Variants in CPNE6 observed in about 807,000 individuals in gnomAD.
CPNE6 encodes copine-6.
A neutral mutation model predicts 71.5 loss-of-function variants in CPNE6; 33 were observed. The ratio of observed to expected loss-of-function variants is 0.46; its 90% confidence interval spans 0.35 to 0.62. CPNE6 has a LOEUF of 0.62. Among genes scored for constraint, CPNE6 ranks in the 20% least tolerant of loss-of-function variants. The pLI is 0.00. For missense variants in CPNE6, 576 were observed against 747.3 expected (o/e 0.77, Z 2.67); for synonymous variants, 296 against 293.0 (o/e 1.01, Z -0.10).
At chr14:24,071,632 G>T in exon 2 of CPNE6, 1 of 1,068,282 alleles carries the variant, frequency 9.4e-7, no homozygotes, top group Non-Finnish European at 1.4e-6. Flanking sequence ...GCCCCCGACC[G>T]AGAGCCCAGG....
In CPNE6 at chr14:24,075,900, G is replaced by A. The variant is rs199665681; in HGVS notation, c.924+14G>A. On this transcript the variant is annotated intron_variant, in intron 11 of 17. Transcript: ENST00000397016. The surrounding 1 kb of genome is among the most constrained non-coding windows in gnomAD (Gnocchi z 4.3). Reference sequence around the variant, plus strand: ...ATCAGCTTCACGGTAAAGACTCAGAGGGAGGGCACACAGGCAAGAGGGAGG... The same window carrying A: ...ATCAGCTTCACGGTAAAGACTCAGAAGGAGGGCACACAGGCAAGAGGGAGG... 9.9e-6 allele frequency: 16 copies of A among 1,613,982 alleles called. No individual in the cohort carries two copies. In the Middle Eastern group the frequency reaches 4.9e-4, roughly 50 times the overall value.
chr14:24,070,991 T>C, exon 1 of CPNE6: 1 of 1,535,644 alleles, frequency 6.5e-7, no homozygotes, highest in Non-Finnish European at 8.7e-7. Flanking sequence ...TGATGGCTTT[T>C]AAGGAGCACG....
Position 24,075,738 on chromosome 14 carries a change from T to TC in CPNE6, c.865-84dup. On this transcript the variant is annotated intron_variant, in intron 10 of 17. Coordinates refer to ENST00000397016, the Ensembl canonical transcript of CPNE6. This position sits in a 1 kb window ranked among gnomAD's most constrained non-coding sequence, Gnocchi z 4.3. ...CAACTGCAACCCAAAAAACTCTGGC[T>TC]CCCCCATGTTCCCCACAGAAGCCCT... The TC allele has an allele frequency of 7.1e-7, 1 of 1,408,024 alleles. No homozygotes were observed. Among genetic ancestry groups the TC allele is most frequent in the South Asian group, 1.2e-5 (1 of 83,540 alleles). The allele number at this position is 1,408,024 out of a possible 1,614,324, so 87.2% of individuals were successfully genotyped here. A position where few individuals can be genotyped will look rare whatever the true frequency, so the allele number is the denominator to read the frequency against.
Position 24,074,644 on chromosome 14 carries a change from G to C in CPNE6, c.582+30G>C. On this transcript the variant is annotated intron_variant, in intron 7 of 17. Coordinates refer to ENST00000397016, the Ensembl canonical transcript of CPNE6. The surrounding 1 kb of genome is among the most constrained non-coding windows in gnomAD (Gnocchi z 4.5). ...GTGCCTGGGGCTATGGGGATGAAGG[G>C]AGGGAGAGTAAAGTAAGAAGACACA... 1.2e-6 allele frequency: 2 copies of C among 1,613,750 alleles called. No homozygotes were observed. The highest frequency in any genetic ancestry group is 1.3e-5 in the African/African-American group (1 of 75,026).
In CPNE6 at chr14:24,074,413, C is replaced by A. The variant is rs760730221; in HGVS notation, c.498+48C>A. On this transcript the variant is annotated intron_variant, in intron 6 of 17. Transcript: ENST00000397016. The surrounding 1 kb of genome is among the most constrained non-coding windows in gnomAD (Gnocchi z 4.5). ...CCCCAACTCCCCTGTCACTCCTAGGCCTCCCACTCAAGACAGATCCCAGGA... is the reference window on the plus strand; with the variant it reads ...CCCCAACTCCCCTGTCACTCCTAGGACTCCCACTCAAGACAGATCCCAGGA... The A allele has an allele frequency of 1.3e-6, 2 of 1,551,266 alleles. No individual in the cohort carries two copies. The highest frequency in any genetic ancestry group is 2.3e-5 in the East Asian group (1 of 44,422).
chr14:24,071,602 C>A, exon 2 of CPNE6: 3 of 1,326,044 alleles, frequency 2.3e-6, no homozygotes, highest in Non-Finnish European at 3.1e-6. Context: ...AGGGCCAGGG[C>A]CAGAGAGCCG....
Position 24,073,275 on chromosome 14 carries a change from C to T in CPNE6, c.168+171C>T, listed in dbSNP as rs952476199. Among the ~76,000 whole-genome samples, 2 of 152,160 alleles carry T rather than the reference C, an allele frequency of 1.3e-5. No homozygotes were observed. Among genetic ancestry groups the T allele is most frequent in the African/African-American group, 4.8e-5 (2 of 41,442 alleles). On this transcript the variant is annotated intron_variant, in intron 3 of 17. Transcript: ENST00000397016. The surrounding 1 kb of genome is among the most constrained non-coding windows in gnomAD (Gnocchi z 5.5). The stretch of plus-strand genomic sequence containing the variant: ...GTCCCAGAGGGTCCTGAGATTGACC[C>T]AGAGGCAGTGGGGTTGCTCCCAAAG...
Position 24,074,400 on chromosome 14 carries a change from T to G in CPNE6, c.498+35T>G. On this transcript the variant is annotated intron_variant, in intron 6 of 17. Coordinates refer to ENST00000397016, the Ensembl canonical transcript of CPNE6. The surrounding 1 kb of genome is among the most constrained non-coding windows in gnomAD (Gnocchi z 4.5). ...CCAGAGTCCAGGCCCCCAACTCCCC[T>G]GTCACTCCTAGGCCTCCCACTCAAG... 1 of 1,548,058 alleles carries G rather than the reference T, an allele frequency of 6.5e-7. No homozygotes were observed. Among genetic ancestry groups the G allele is most frequent in the Non-Finnish European group, 8.7e-7 (1 of 1,146,120 alleles).
At position 24,073,272 on chromosome 14, in the gene CPNE6, A is replaced by AC. The variant is rs1195215611; in HGVS notation, c.168+171dup. Among the ~76,000 whole-genome samples, 2 of 152,056 alleles carry AC rather than the reference A, an allele frequency of 1.3e-5. No individual in the cohort carries two copies. Among genetic ancestry groups the AC allele is most frequent in the African/African-American group, 4.8e-5 (2 of 41,410 alleles). On this transcript the variant is annotated intron_variant, in intron 3 of 17. Coordinates refer to ENST00000397016, the Ensembl canonical transcript of CPNE6. This position sits in a 1 kb window ranked among gnomAD's most constrained non-coding sequence, Gnocchi z 5.5. ...GGTGTCCCAGAGGGTCCTGAGATTG[A>AC]CCCAGAGGCAGTGGGGTTGCTCCCA...
rs1566553855 is a variant in CPNE6, at chr14:24,077,880, C to G, written c.*38-8C>G. The G allele has an allele frequency of 1.2e-5, 10 of 827,090 alleles. No homozygotes were observed. In the South Asian group the frequency reaches 1.8e-4, roughly 15 times the overall value. 51.2% of individuals were successfully genotyped at this position (827,090 alleles called of 1,614,324 possible). ...GAGAGTGCTTATGACTCTCCCACCC[C>G]CTCCCAGGTGCCTGTCCTGACCCTC... On this transcript the variant is annotated splice_polypyrimidine_tract_variant and splice_region_variant and intron_variant, in intron 17 of 17. Coordinates refer to ENST00000397016, the Ensembl canonical transcript of CPNE6. This position sits in a 1 kb window ranked among gnomAD's most constrained non-coding sequence, Gnocchi z 6.1.
chr14:24,072,613 G>A lies in CPNE6; in HGVS notation c.-4-320G>A, dbSNP rs191653873. On this transcript the variant is annotated intron_variant, in intron 2 of 17. Coordinates refer to ENST00000397016, the Ensembl canonical transcript of CPNE6. ...GGGAAATAGCAGAAGGTGCTGAGGC[G>A]GCAGAAAGTGTAGATCAATCGATGG... 125 of 253,770 alleles carry A rather than the reference G, an allele frequency of 4.9e-4. 1 individual carries two copies. Among genetic ancestry groups the A allele is most frequent in the East Asian group, 9.3e-4 (13 of 13,980 alleles). 15.7% of individuals were successfully genotyped at this position (253,770 alleles called of 1,614,324 possible). A position where few individuals can be genotyped will look rare whatever the true frequency, so the allele number is the denominator to read the frequency against.
Position 24,077,762 on chromosome 14 carries a change from C to A in CPNE6, c.*32C>A. 6.6e-7 allele frequency: 1 copy of A among 1,507,560 alleles called. No individual in the cohort carries two copies. Among genetic ancestry groups the A allele is most frequent in the Non-Finnish European group, 8.9e-7 (1 of 1,129,750 alleles). 93.4% of individuals were successfully genotyped at this position (1,507,560 alleles called of 1,614,324 possible). A position where few individuals can be genotyped will look rare whatever the true frequency, so the allele number is the denominator to read the frequency against. On this transcript the variant is annotated 3_prime_UTR_variant, in exon 17 of 18. Coordinates refer to ENST00000397016, the Ensembl canonical transcript of CPNE6. This position sits in a 1 kb window ranked among gnomAD's most constrained non-coding sequence, Gnocchi z 6.1. ...CCCTCCGGACCGACACTCCCTCAGC[C>A]TCTCAGTGAGTCCTGGGGCTTCCAA...
rs746454123 is a variant in CPNE6, at chr14:24,074,142, G to GTAC, written c.423+19_423+21dup. On this transcript the variant is annotated intron_variant, in intron 5 of 17. Transcript: ENST00000397016. This position sits in a 1 kb window ranked among gnomAD's most constrained non-coding sequence, Gnocchi z 4.5. ...ACCATCACGGTAGGCAAGATCACCT[G>GTAC]TACTCACCCTTGGTCCAGGTATTCA... is the stretch of plus-strand genomic sequence containing the variant. The GTAC allele has an allele frequency of 6.2e-7, 1 of 1,612,862 alleles. No individual in the cohort carries two copies. The highest frequency in any genetic ancestry group is 8.5e-7 in the Non-Finnish European group (1 of 1,179,014).
At chr14:24,076,309 C>A in intron 12 of CPNE6, 27 bp downstream of exon 11, 1 of 1,614,242 alleles carries the variant, frequency 6.2e-7, no homozygotes, top group Non-Finnish European at 8.5e-7. Context: ...CGGGAGGGAA[C>A]AGGCAGGGAG....
Position 24,073,989 on chromosome 14 carries a change from T to G in CPNE6, c.349-62T>G. On this transcript the variant is annotated intron_variant, in intron 4 of 17. Transcript: ENST00000397016. This position sits in a 1 kb window ranked among gnomAD's most constrained non-coding sequence, Gnocchi z 5.5. ...CTCAGAGCATTTATTATTCCATCCC[T>G]TGTACGTGGCCAAGGCAGATGGGGA... 7.0e-7 allele frequency: 1 copy of G among 1,422,220 alleles called. No individual in the cohort carries two copies. Among genetic ancestry groups the G allele is most frequent in the Non-Finnish European group, 9.9e-7 (1 of 1,005,114 alleles). 88.1% of individuals were successfully genotyped at this position (1,422,220 alleles called of 1,614,324 possible).
exon 18 of CPNE6, chr14:24,078,005 A>C (rs1594238616): frequency 5.8e-6 from 2 of 346,578 alleles, no homozygotes; most frequent in Non-Finnish European, 1.0e-5. Flanking sequence ...CAAACCCCAT[A>C]CCCTTCAATG....
At chr14:24,072,881 G>C in intron 2 of CPNE6, 52 bp from the exon 2 acceptor site, 1 of 1,434,704 alleles carries the variant, frequency 7.0e-7, no homozygotes. Flanking sequence ...AGACCCCTCT[G>C]CTGGCAGGTG....
In CPNE6 at chr14:24,075,424, G is replaced by C; in HGVS notation, c.778-81G>C. On this transcript the variant is annotated intron_variant, in intron 9 of 17. Coordinates refer to ENST00000397016, the Ensembl canonical transcript of CPNE6. The surrounding 1 kb of genome is among the most constrained non-coding windows in gnomAD (Gnocchi z 4.3). ...TGAAGGACGGAACCATGGGGGTCTT[G>C]CTCTGGGAGGCTCTGCTGGAAGGGA... The C allele has an allele frequency of 6.9e-7, 1 of 1,453,620 alleles. No homozygotes were observed. Among genetic ancestry groups the C allele is most frequent in the Non-Finnish European group, 9.6e-7 (1 of 1,044,430 alleles). 90.0% of individuals were successfully genotyped at this position (1,453,620 alleles called of 1,614,324 possible).
Position 24,075,081 on chromosome 14 carries a change from C to T in CPNE6, c.673-91C>T, listed in dbSNP as rs1394272398. 1.1e-6 allele frequency: 1 copy of T among 917,968 alleles called. No homozygotes were observed. Among genetic ancestry groups the T allele is most frequent in the East Asian group, 2.4e-5 (1 of 41,732 alleles). The allele number at this position is 917,968 out of a possible 1,614,324, so 56.9% of individuals were successfully genotyped here. On this transcript the variant is annotated intron_variant, in intron 8 of 17. Transcript: ENST00000397016. This position sits in a 1 kb window ranked among gnomAD's most constrained non-coding sequence, Gnocchi z 4.3. ...GGCATGGAGACTCTAAGGCCCAAGT[C>T]CCCCTACTCCAAGTCCCCGAGTCCC...
Sources: gnomAD v4.1 joint callset for allele counts (sites outside exome capture counted in the v4.1 genomes callset) on GRCh38, gnomAD v4.1.1 for gene constraint, Gnocchi (gnomAD v3.1) non-coding constraint, MANE v1.5 for transcripts, NCBI Gene and HGNC (gene_info 2026-07-23, HGNC 2026-07-21) for gene names.